CPN1: variants seen among roughly 807,000 people sequenced by gnomAD.
The protein encoded by CPN1 is carboxypeptidase N subunit 1.
A neutral mutation model predicts 46.4 loss-of-function variants in CPN1; 37 were observed. That is an observed-to-expected ratio of 0.80 (90% CI 0.61 to 1.05). The LOEUF (loss-of-function observed/expected upper bound fraction) is 1.05. CPN1 is among the 50% of genes least tolerant of loss of function. The pLI, the probability that CPN1 is intolerant of heterozygous loss-of-function variation, is 0.00. For synonymous variants in CPN1, 224 were observed against 235.4 expected (o/e 0.95, Z 0.44); for missense variants, 563 against 602.6 (o/e 0.93, Z 0.69).
At chr10:100,060,957 T>G (rs2041413492) in intron 5 of CPN1, among the ~76,000 whole-genome samples, 1 of 152,126 alleles carries the variant, frequency 6.6e-6, no homozygotes, top group East Asian at 1.9e-4. Flanking sequence ...TCCTGTCATT[T>G]GCAAAAACAG....
chr10:100,079,888 C>T (rs1230043389), intron 1 of CPN1, among the ~76,000 whole-genome samples: 1 of 152,030 alleles, frequency 6.6e-6, no homozygotes, highest in Admixed American at 6.6e-5. Flanking sequence ...AGTTTGAGAC[C>T]AGCCTGGCCA....
At chr10:100,081,288 G>T in intron 1 of CPN1, 115 bp downstream of exon 1, 1 of 880,026 alleles carries the variant, frequency 1.1e-6, no homozygotes, top group Non-Finnish European at 1.8e-6. Context: ...CTGAGAAAGA[G>T]ATAATACCTT....
intron 2 of CPN1, among the ~76,000 whole-genome samples, chr10:100,074,913 G>C (rs1185663067): frequency 6.6e-6 from 1 of 152,126 alleles, no homozygotes; most frequent in Admixed American, 6.6e-5. Context: ...TACGCATATC[G>C]ATCTGAAACA....
intron 3 of CPN1, among the ~76,000 whole-genome samples, chr10:100,065,752 C>T (rs868741048): frequency 2.6e-5 from 4 of 151,356 alleles, no homozygotes; most frequent in African/African-American, 4.9e-5. Flanking sequence ...GGACTGGGAG[C>T]GCTCATGGTG....
intron 7 of CPN1, among the ~76,000 whole-genome samples, chr10:100,054,112 A>G (rs1281095699): frequency 6.6e-6 from 1 of 152,192 alleles, no homozygotes; most frequent in Admixed American, 6.5e-5. Flanking sequence ...CTGACCTCTC[A>G]GGGATTGCTT....
chr10:100,059,399 A>G (rs891973057), intron 5 of CPN1, among the ~76,000 whole-genome samples: 1 of 122,032 alleles, frequency 8.2e-6, no homozygotes, highest in Non-Finnish European at 1.7e-5. Flanking sequence ...AAAACATAAC[A>G]ATAACAACAA....
At chr10:100,077,866 C>T (rs1375103065) in intron 1 of CPN1, among the ~76,000 whole-genome samples, 6 of 151,930 alleles carry the variant, frequency 3.9e-5, no homozygotes, top group African/African-American at 1.5e-4. Flanking sequence ...TTTGGAAGAT[C>T]TGTTTTAGTT....
At chr10:100,047,688 A>G (rs926430405) in intron 8 of CPN1, among the ~76,000 whole-genome samples, 1 of 152,122 alleles carries the variant, frequency 6.6e-6, no homozygotes. Flanking sequence ...CACACAAAAC[A>G]AAAAAAGAAA....
At chr10:100,044,887 T>A (rs1207435673) in intron 8 of CPN1, among the ~76,000 whole-genome samples, 1 of 151,090 alleles carries the variant, frequency 6.6e-6, no homozygotes, top group African/African-American at 2.4e-5. Flanking sequence ...ATTTTTGTAT[T>A]TTGAGTAGAG....
At chr10:100,063,578 C>T (rs2041433921) in intron 5 of CPN1, 36 bp downstream of exon 5, 1 of 1,411,984 alleles carries the variant, frequency 7.1e-7, no homozygotes, top group Admixed American at 1.7e-5. Flanking sequence ...AGCACTATTC[C>T]ACTTCAGCTT....
rs1257486087 is a variant in CPN1, at chr10:100,069,765, C to T, written c.525G>A (p.Lys175=). 1 of 1,613,860 alleles carries T rather than the reference C, an allele frequency of 6.2e-7. No individual in the cohort carries two copies. Among genetic ancestry groups the T allele is most frequent in the Non-Finnish European group, 8.5e-7 (1 of 1,179,988 alleles). Reference sequence around the variant, plus strand: ...GCAGGTGGTGGTTGGGGCCTCCGTACTTCTCGTTATAGTAGATATAGGTAT... The same window carrying T: ...GCAGGTGGTGGTTGGGGCCTCCGTATTTCTCGTTATAGTAGATATAGGTAT... The part of the protein sequence containing the change: ...DLNTYIYYNE[K]YGGPNHHLPL... Residue 175 remains lysine, a synonymous_variant, in exon 3 of 9, where the codon AAG becomes AAA. Transcript: ENST00000370418.
chr10:100,076,040 C>A lies in CPN1; in HGVS notation c.291G>T (p.Leu97=). Residue 97 remains leucine, a synonymous_variant, in exon 2 of 9, where the codon CTG becomes CTT. Coordinates refer to ENST00000370418, the MANE Select transcript of CPN1 (RefSeq NM_001308.3). ...GNEALGRELM[L]QLSEFLCEEF... ...CCTCGCACAGAAACTCCGACAGCTG[C>A]AGCATCAGCTCGCGGCCCAACGCTT... The A allele has an allele frequency of 6.2e-7, 1 of 1,614,218 alleles. No individual in the cohort carries two copies. The highest frequency in any genetic ancestry group is 8.5e-7 in the Non-Finnish European group (1 of 1,180,046).
chr10:100,067,949 C>T (rs929249551), intron 3 of CPN1, among the ~76,000 whole-genome samples: 1 of 151,812 alleles, frequency 6.6e-6, no homozygotes, highest in African/African-American at 2.4e-5. Context: ...GCCAGGAGTT[C>T]GAGACCAGCC....
chr10:100,056,911 G>T, intron 6 of CPN1, 102 bp downstream of exon 6: 2 of 1,426,056 alleles, frequency 1.4e-6, no homozygotes, highest in Non-Finnish European at 2.0e-6. Context: ...CTATTGGACT[G>T]AGTCAGAGCA....
intron 1 of CPN1, among the ~76,000 whole-genome samples, chr10:100,077,898 TA>T (rs772938508): frequency 2.0e-3 from 308 of 151,568 alleles, no homozygotes; most frequent in African/African-American, 7.2e-3. Flanking sequence ...CCTATTTATT[TA>T]AAAAAAAACA....
chr10:100,049,012 G>T, intron 7 of CPN1, 136 bp from the exon 8 acceptor site: 1 of 640,408 alleles, frequency 1.6e-6, no homozygotes, highest in South Asian at 1.5e-5. Context: ...AGGCTGGAGT[G>T]AAGTGGTGTG....
At chr10:100,066,400 A>G (rs910993510) in intron 3 of CPN1, among the ~76,000 whole-genome samples, 4 of 152,208 alleles carry the variant, frequency 2.6e-5, no homozygotes, top group African/African-American at 9.6e-5. Flanking sequence ...TAGGACTCCA[A>G]TAAATCAATC....
At chr10:100,055,498 T>C (rs1407438770) in intron 6 of CPN1, among the ~76,000 whole-genome samples, 1 of 152,156 alleles carries the variant, frequency 6.6e-6, no homozygotes, top group African/African-American at 2.4e-5. Flanking sequence ...GTCCTCAAGA[T>C]TCATCCATGT....
chr10:100,075,344 T>C (rs1253757163), intron 2 of CPN1, among the ~76,000 whole-genome samples: 1 of 152,084 alleles, frequency 6.6e-6, no homozygotes, highest in Non-Finnish European at 1.5e-5. Context: ...CAAATATAAC[T>C]CTAAAATATA....
Sources: gnomAD v4.1 joint callset for allele counts (sites outside exome capture counted in the v4.1 genomes callset) on GRCh38, gnomAD v4.1.1 for gene constraint, MANE v1.5 for transcripts, NCBI Gene and HGNC (gene_info 2026-07-23, HGNC 2026-07-21) for gene names.